The following SIGLEC11 variants were observed in gnomAD, a reference collection of about 807,000 sequenced individuals.
SIGLEC11 encodes sialic acid binding Ig like lectin 11.
In SIGLEC11, 47 loss-of-function variants were observed where a neutral mutation model predicts 61.2. The observed-to-expected ratio is 0.77, with a 90% confidence interval of 0.61 to 0.98. The LOEUF is 0.98. SIGLEC11 is among the 50% of genes least tolerant of loss of function. SIGLEC11 has a pLI of 0.00. For missense variants in SIGLEC11, 610 were observed against 870.3 expected (o/e 0.70, Z 3.76); for synonymous variants, 278 against 373.1 (o/e 0.75, Z 2.94).
At position 49,950,185 on chromosome 19, in the gene SIGLEC11, C is replaced by G; in HGVS notation, c.1882G>C (p.Gly628Arg). 1 of 1,605,898 alleles carries G rather than the reference C, an allele frequency of 6.2e-7. No homozygotes were observed. The highest frequency in any genetic ancestry group is 2.2e-5 in the East Asian group (1 of 44,720). ...TTCCCCGGGGTGTAGGTGGCTGCAC[C>G]TGGGGGCGGGTGGTCTTGGGAGCTG... The part of the protein sequence containing the change: ...AGSSQDHPPP[G>R]AATYTPGKGE... The change falls in exon 11 of 11, where the codon GGT (glycine) becomes CGT (arginine). Residue 628 changes from glycine (G) to arginine (R), a missense_variant. Around this residue, in one of 6 missense-constraint regions of SIGLEC11, gnomAD observed 432 missense variants for 441.5 expected, o/e 0.98. Coordinates refer to ENST00000447370, the MANE Select transcript of SIGLEC11 (RefSeq NM_052884.3).
intron 10 of SIGLEC11, among the ~76,000 whole-genome samples, chr19:49,950,969 G>A (rs2076154921): frequency 6.6e-6 from 1 of 152,192 alleles, no homozygotes; most frequent in Non-Finnish European, 1.5e-5. Flanking sequence ...TCAACCGTTT[G>A]TGCCCAGGTG....
Position 49,952,299 on chromosome 19 carries a change from T to G in SIGLEC11, c.1747A>C (p.Arg583=). Residue 583 remains arginine (R), a splice_region_variant and synonymous_variant, in exon 9 of 11, where the codon AGG becomes CGG. Transcript: ENST00000447370. ...CATTGCCTGCCCTCCGATGCTTACC[T>G]GAAGACGACAAGGCAGGAACAGAAA... ...LAFCSCLVVF[R]VKICRKEARK... is the part of the protein sequence containing the mutation. 1 of 1,612,792 alleles carries G rather than the reference T, an allele frequency of 6.2e-7. No homozygotes were observed. The highest frequency in any genetic ancestry group is 8.5e-7 in the Non-Finnish European group (1 of 1,179,906).
Position 49,958,442 on chromosome 19 carries a change from T to C in SIGLEC11, c.1492A>G (p.Ser498Gly). 1 of 1,613,772 alleles carries C rather than the reference T, an allele frequency of 6.2e-7. No individual in the cohort carries two copies. ...WLGEELLEGN[S>G]SQGSFEVTPS... is the part of the protein sequence containing the mutation. ...GTGACCTCGAAGGAGCCCTGACTGC[T>C]GTTCCCCTCCAGCAGCTCCTCCCCA... Residue 498 changes from serine to glycine, a missense_variant, in exon 8 of 11, where the codon AGC (serine) becomes GGC (glycine). By Grantham distance (56) the Ser-to-Gly change is moderately conservative. Coordinates refer to ENST00000447370, the MANE Select transcript of SIGLEC11 (RefSeq NM_052884.3).
Position 49,960,550 on chromosome 19 carries a change from A to G in SIGLEC11, c.460+2T>C. On this transcript the variant is annotated splice_donor_variant, in intron 2 of 10. Transcript: ENST00000447370. LOFTEE classifies it high-confidence loss of function. ...GGCAGGGGTTCCCACCCCATTCCAT[A>G]CCTGTTACTTTTAGAAAGAACGCAT... is the stretch of plus-strand genomic sequence containing the variant. The G allele has an allele frequency of 6.3e-7, 1 of 1,597,532 alleles. No homozygotes were observed.
chr19:49,953,143 A>G (rs2122885480), intron 8 of SIGLEC11, among the ~76,000 whole-genome samples: 1 of 152,316 alleles, frequency 6.6e-6, no homozygotes, highest in African/African-American at 2.4e-5. Context: ...CTGTGACCCC[A>G]GGTGCCACTG....
chr19:49,950,727 GGAA>G (rs1194787504), intron 10 of SIGLEC11, among the ~76,000 whole-genome samples: 4 of 152,182 alleles, frequency 2.6e-5, no homozygotes, highest in Admixed American at 2.0e-4. Flanking sequence ...CTTGCAGTAT[GGAA>G]GAAGAAGTAG....
At chr19:49,954,658 A>G (rs76691680) in intron 8 of SIGLEC11, among the ~76,000 whole-genome samples, 7,213 of 152,282 alleles carry the variant, frequency 0.047, 235 homozygotes, top group Middle Eastern at 0.082. Context: ...ATCTGACGCA[A>G]TCCGTCTTTC....
Position 49,955,503 on chromosome 19 carries a change from G to A in SIGLEC11, c.1651+2780C>T, listed in dbSNP as rs1306760351. 1.3e-5 allele frequency among the ~76,000 whole-genome samples: 2 copies of A among 152,178 alleles called. No individual in the cohort carries two copies. The highest frequency in any genetic ancestry group is 4.8e-5 in the African/African-American group (2 of 41,442). ...AGTAAAGATAGATGGCAGTGCGTGC[G>A]TGCACAGGGGCGGGGCCCACGCCGT... On this transcript the variant is annotated intron_variant, in intron 8 of 10. Transcript: ENST00000447370. The surrounding 1 kb of genome is among the most constrained non-coding windows in gnomAD (Gnocchi z 4.5).
rs2122880543 is a variant in SIGLEC11, at chr19:49,951,858, C to A, written c.1830+33G>T. Reference sequence around the variant, plus strand: ...TGGCCATCAAGGAAAGGGGAACAGGCAGGGCCCCAGCAGACAGAGGCTGGG... The same window carrying A: ...TGGCCATCAAGGAAAGGGGAACAGGAAGGGCCCCAGCAGACAGAGGCTGGG... On this transcript the variant is annotated intron_variant, in intron 10 of 10. Transcript: ENST00000447370. The surrounding 1 kb of genome is among the most constrained non-coding windows in gnomAD (Gnocchi z 4.6). 1 of 1,541,654 alleles carries A rather than the reference C, an allele frequency of 6.5e-7. No individual in the cohort carries two copies. Among genetic ancestry groups the A allele is most frequent in the Non-Finnish European group, 8.7e-7 (1 of 1,143,208 alleles).
intron 8 of SIGLEC11, among the ~76,000 whole-genome samples, chr19:49,954,261 CAG>C (rs1206815018): frequency 6.6e-6 from 1 of 152,196 alleles, no homozygotes; most frequent in Non-Finnish European, 1.5e-5. Context: ...CCAGAGGAAA[CAG>C]AAATTCCTCC....
intron 8 of SIGLEC11, among the ~76,000 whole-genome samples, chr19:49,956,503 C>CCTGTG (rs1189648648): frequency 6.6e-6 from 1 of 152,088 alleles, no homozygotes; most frequent in Admixed American, 6.5e-5. Flanking sequence ...TGGACAGGGG[C>CCTGTG]CTGTGTGCTT....
In SIGLEC11 at chr19:49,951,171, G is replaced by T. The variant is rs909183695; in HGVS notation, c.1830+720C>A. Among the ~76,000 whole-genome samples, 4 of 152,170 alleles carry T rather than the reference G, an allele frequency of 2.6e-5. No individual in the cohort carries two copies. Among genetic ancestry groups the T allele is most frequent in the Non-Finnish European group, 1.5e-5 (1 of 68,018 alleles). ...AGTGGCAAGTCCCCCATGCCTGCGTGACCCACCCCCAGTGAACCCTGGACC... is the reference window on the plus strand; with the variant it reads ...AGTGGCAAGTCCCCCATGCCTGCGTTACCCACCCCCAGTGAACCCTGGACC... On this transcript the variant is annotated intron_variant, in intron 10 of 10. Coordinates refer to ENST00000447370, the MANE Select transcript of SIGLEC11 (RefSeq NM_052884.3). This position sits in a 1 kb window ranked among gnomAD's most constrained non-coding sequence, Gnocchi z 4.6.
At chr19:49,957,406 C>A (rs2076204452) in intron 8 of SIGLEC11, among the ~76,000 whole-genome samples, 1 of 149,124 alleles carries the variant, frequency 6.7e-6, no homozygotes, top group East Asian at 2.3e-4. Context: ...ACAAAAAAAA[C>A]CCAAGTCTTT....
chr19:49,958,937 G>T, intron 6 of SIGLEC11, 37 bp from the exon 7 acceptor site: 1 of 1,609,638 alleles, frequency 6.2e-7, no homozygotes, highest in Non-Finnish European at 8.5e-7. Flanking sequence ...GTGCAGCTCA[G>T]GGCTCAGGGA....
chr19:49,955,514 C>G lies in SIGLEC11; in HGVS notation c.1651+2769G>C, dbSNP rs780219588. Among the ~76,000 whole-genome samples, 1 of 152,058 alleles carries G rather than the reference C, an allele frequency of 6.6e-6. No homozygotes were observed. On this transcript the variant is annotated intron_variant, in intron 8 of 10. Coordinates refer to ENST00000447370, the MANE Select transcript of SIGLEC11 (RefSeq NM_052884.3). This position sits in a 1 kb window ranked among gnomAD's most constrained non-coding sequence, Gnocchi z 4.5. ...ATGGCAGTGCGTGCGTGCACAGGGG[C>G]GGGGCCCACGCCGTAGCCCAGTCCC...
In SIGLEC11 at chr19:49,960,761, G is replaced by C. The variant is rs758499545; in HGVS notation, c.251C>G (p.Ala84Gly). The change falls in exon 2 of 11, where the codon GCT (alanine) becomes GGT (glycine). Residue 84 changes from alanine to glycine, a missense_variant. By Grantham distance (60) the Ala-to-Gly change is moderately conservative. Transcript: ENST00000447370. The stretch of plus-strand genomic sequence containing the variant: ...ACTCTGGTTGTTAGTGGCCACAGGA[G>C]CACCCGTCTTTGGGCTGGTCCGTCC... ...FKGRTSPKTG[A>G]PVATNNQSRE... 1 of 1,613,614 alleles carries C rather than the reference G, an allele frequency of 6.2e-7. No individual in the cohort carries two copies.
rs1400962556 is a variant in SIGLEC11, at chr19:49,951,405, G to A, written c.1830+486C>T. On this transcript the variant is annotated intron_variant, in intron 10 of 10. Coordinates refer to ENST00000447370, the MANE Select transcript of SIGLEC11 (RefSeq NM_052884.3). The surrounding 1 kb of genome is among the most constrained non-coding windows in gnomAD (Gnocchi z 4.6). ...ATCGGTCACTATAAACCATCACCAC[G>A]AGGATCACAGCTCTCAGTGAGTCCT... is the stretch of plus-strand genomic sequence containing the variant. 6.6e-6 allele frequency among the ~76,000 whole-genome samples: 1 copy of A among 152,208 alleles called. No individual in the cohort carries two copies. The highest frequency in any genetic ancestry group is 1.5e-5 in the Non-Finnish European group (1 of 68,034).
chr19:49,958,439 T>C lies in SIGLEC11; in HGVS notation c.1495A>G (p.Ser499Gly). 1 of 1,613,828 alleles carries C rather than the reference T, an allele frequency of 6.2e-7. No homozygotes were observed. Among genetic ancestry groups the C allele is most frequent in the Non-Finnish European group, 8.5e-7 (1 of 1,179,960 alleles). The change falls in exon 8 of 11, where the codon AGT becomes GGT. Residue 499 changes from serine to glycine, a missense_variant. Ser to Gly is a moderately conservative substitution (Grantham distance 56, BLOSUM62 0). Coordinates refer to ENST00000447370, the MANE Select transcript of SIGLEC11 (RefSeq NM_052884.3). ...LGEELLEGNS[S>G]QGSFEVTPSS... The stretch of plus-strand genomic sequence containing the variant: ...GGGGTGACCTCGAAGGAGCCCTGAC[T>C]GCTGTTCCCCTCCAGCAGCTCCTCC...
In SIGLEC11 at chr19:49,960,437, G is replaced by A. The variant is rs752176870; in HGVS notation, c.461-16C>T. The A allele has an allele frequency of 2.6e-6, 4 of 1,509,934 alleles. No individual in the cohort carries two copies. The highest frequency in any genetic ancestry group is 3.5e-6 in the Non-Finnish European group (4 of 1,134,340). The allele number at this position is 1,509,934 out of a possible 1,614,324, so 93.5% of individuals were successfully genotyped here. A position where few individuals can be genotyped will look rare whatever the true frequency, so the allele number is the denominator to read the frequency against. On this transcript the variant is annotated splice_polypyrimidine_tract_variant and intron_variant, in intron 2 of 10. Coordinates refer to ENST00000447370, the MANE Select transcript of SIGLEC11 (RefSeq NM_052884.3). ...TTAGTCAGGGCTGGGACAGAGACCG[G>A]GTGGGAGATTCTTGTGCTGCAGGGG...
Sources: allele counts gnomAD v4.1 joint callset (sites outside exome capture counted in the v4.1 genomes callset), GRCh38; gene constraint gnomAD v4.1.1; regional missense constraint gnomAD v4.1.1; non-coding constraint Gnocchi (gnomAD v3.1); transcripts MANE v1.5; gene names NCBI Gene and HGNC (gene_info 2026-07-23, HGNC 2026-07-21).